ELP4: variants seen among roughly 807,000 people sequenced by gnomAD.
ELP4 encodes elongator complex protein 4.
Under a neutral mutation model 48.9 loss-of-function variants are expected in ELP4, and 51 were observed. That is an observed-to-expected ratio of 1.04 (90% CI 0.83 to 1.32). The LOEUF (loss-of-function observed/expected upper bound fraction) is 1.32, where lower values mean the gene tolerates loss of function less well. Ranked by LOEUF, ELP4 falls within the 40% of genes most tolerant of loss-of-function variation. The pLI, the probability that ELP4 is intolerant of heterozygous loss-of-function variation, is 0.00. For synonymous variants in ELP4, 210 were observed against 189.2 expected (o/e 1.11, Z -0.90); for missense variants, 519 against 514.6 (o/e 1.01, Z -0.08).
chr11:31,743,297 G>A (rs1947500949), intron 9 of ELP4, among the ~76,000 whole-genome samples: 1 of 152,082 alleles, frequency 6.6e-6, no homozygotes, highest in African/African-American at 2.4e-5. Flanking sequence ...CAATAATAAT[G>A]GGAGACTTTA....
intron 9 of ELP4, chr11:31,651,779 T>C (rs1346997388): frequency 1.3e-5 from 2 of 151,714 alleles, no homozygotes; most frequent in Non-Finnish European, 2.9e-5. Flanking sequence ...ACAATTTCTA[T>C]TACCATACAA....
At chr11:31,731,567 G>GGTGTGT (rs148076836) in intron 9 of ELP4, among the ~76,000 whole-genome samples, 30,337 of 142,648 alleles carry the variant, frequency 0.21, 3,265 homozygotes, top group Middle Eastern at 0.26. Flanking sequence ...CCATTAAGCA[G>GGTGTGT]GTGTGTGTGT....
chr11:31,680,867 C>G (rs1260283597), intron 9 of ELP4, among the ~76,000 whole-genome samples: 1 of 152,110 alleles, frequency 6.6e-6, no homozygotes, highest in Non-Finnish European at 1.5e-5. Context: ...AAATAAAACT[C>G]TGTTACGGAC....
chr11:31,532,779 T>TA (rs1956417554), intron 2 of ELP4, among the ~76,000 whole-genome samples: 1 of 149,640 alleles, frequency 6.7e-6, no homozygotes, highest in African/African-American at 2.4e-5. Flanking sequence ...GGTTTTTTTT[T>TA]TTTTTTTTTG....
At chr11:31,743,275 T>C (rs1167183437) in intron 9 of ELP4, among the ~76,000 whole-genome samples, 1 of 152,164 alleles carries the variant, frequency 6.6e-6, no homozygotes, top group Non-Finnish European at 1.5e-5. Flanking sequence ...CAAAGAGACT[T>C]AGACTCCCAC....
chr11:31,609,337 T>A (rs1957932327), intron 5 of ELP4, among the ~76,000 whole-genome samples: 1 of 152,110 alleles, frequency 6.6e-6, no homozygotes, highest in Non-Finnish European at 1.5e-5. Flanking sequence ...GTTGAGAAGG[T>A]CTTGTGGGGT....
At chr11:31,702,595 C>G (rs1043614844) in intron 9 of ELP4, among the ~76,000 whole-genome samples, 2 of 152,044 alleles carry the variant, frequency 1.3e-5, no homozygotes, top group Admixed American at 1.3e-4. Flanking sequence ...TATTTAAAAT[C>G]TGATTCGTAG....
intron 9 of ELP4, among the ~76,000 whole-genome samples, chr11:31,781,555 G>A (rs1419213014): frequency 8.0e-6 from 1 of 124,782 alleles, no homozygotes; most frequent in African/African-American, 3.2e-5. Flanking sequence ...CTGGAGTGCT[G>A]TGGCACGATC....
chr11:31,610,371 C>A (rs1280873989), intron 5 of ELP4, among the ~76,000 whole-genome samples: 2 of 151,968 alleles, frequency 1.3e-5, no homozygotes, highest in African/African-American at 4.8e-5. Context: ...TTATTTTCAA[C>A]TTTTATTTTA....
intron 9 of ELP4, among the ~76,000 whole-genome samples, chr11:31,711,845 A>G (rs1443866977): frequency 1.3e-5 from 2 of 152,154 alleles, no homozygotes; most frequent in Non-Finnish European, 2.9e-5. Flanking sequence ...CAAATTATCA[A>G]CTGGCCCATA....
chr11:31,711,275 G>A (rs546138302), intron 9 of ELP4, among the ~76,000 whole-genome samples: 13 of 152,274 alleles, frequency 8.5e-5, no homozygotes, highest in Admixed American at 7.2e-4. Flanking sequence ...TGTACCATGT[G>A]GTAGTGTTAA....
intron 1 of ELP4, among the ~76,000 whole-genome samples, chr11:31,513,784 G>T (rs960532349): frequency 1.3e-5 from 2 of 152,090 alleles, no homozygotes; most frequent in Admixed American, 1.3e-4. Context: ...AACAACAAAA[G>T]CCCTTTCGTT....
chr11:31,530,347 G>C (rs1034827205), intron 2 of ELP4, among the ~76,000 whole-genome samples: 7 of 152,084 alleles, frequency 4.6e-5, no homozygotes, highest in African/African-American at 1.7e-4. Context: ...TCATATGTAC[G>C]TAACAAAAAC....
At chr11:31,715,891 A>G (rs1946833144) in intron 9 of ELP4, among the ~76,000 whole-genome samples, 1 of 152,212 alleles carries the variant, frequency 6.6e-6, no homozygotes, top group Non-Finnish European at 1.5e-5. Context: ...AAATTCAAAC[A>G]GTACAAGGGC....
intron 9 of ELP4, among the ~76,000 whole-genome samples, chr11:31,728,190 G>C (rs1413272786): frequency 3.3e-5 from 5 of 152,076 alleles, no homozygotes; most frequent in Non-Finnish European, 5.9e-5. Flanking sequence ...TCTATTGAAG[G>C]GTTGTTACCT....
chr11:31,712,441 A>G (rs1436094459), intron 9 of ELP4, among the ~76,000 whole-genome samples: 1 of 152,158 alleles, frequency 6.6e-6, no homozygotes, highest in East Asian at 1.9e-4. Context: ...TCACCAGGTA[A>G]TACATATCTG....
intron 7 of ELP4, among the ~76,000 whole-genome samples, chr11:31,636,457 C>A (rs759942099): frequency 2.6e-5 from 4 of 151,784 alleles, no homozygotes; most frequent in Non-Finnish European, 4.4e-5. Context: ...GGTGTTCTTA[C>A]TTTAGTTATT....
Position 31,647,813 on chromosome 11 carries a change from G to C in ELP4, c.1000G>C (p.Glu334Gln), listed in dbSNP as rs1211889131. The C allele has an allele frequency of 6.2e-7, 1 of 1,608,130 alleles. No individual in the cohort carries two copies. Among genetic ancestry groups the C allele is most frequent in the East Asian group, 2.2e-5 (1 of 44,722 alleles). Residue 334 changes from glutamate to glutamine, a missense_variant, in exon 8 of 10, where the codon GAG becomes CAG. Physicochemically the swap from Glu to Gln is conservative, Grantham distance 29. Coordinates refer to ENST00000640961, the MANE Select transcript of ELP4 (RefSeq NM_019040.5). ...TGGTCTGGAATCATTTATTGGTTCT[G>C]AGAGAGAAACTAACCCATTGTATAA... The part of the protein sequence containing the change: ...VVGLESFIGS[E>Q]RETNPLYKDY...
intron 4 of ELP4, among the ~76,000 whole-genome samples, chr11:31,597,371 C>T (rs747685963): frequency 1.3e-4 from 20 of 151,994 alleles, no homozygotes; most frequent in African/African-American, 2.2e-4. Flanking sequence ...TGGATGTGAA[C>T]GAGAACTGGG....
Sources: allele counts gnomAD v4.1 joint callset (sites outside exome capture counted in the v4.1 genomes callset), GRCh38; gene constraint gnomAD v4.1.1; transcripts MANE v1.5; gene names NCBI Gene and HGNC (gene_info 2026-07-23, HGNC 2026-07-21).